Variants in CYRIA observed in about 807,000 individuals in gnomAD.
The protein encoded by CYRIA is CYFIP-related Rac1 interactor A.
CYRIA carries 15 observed loss-of-function variants against 43.9 expected under a neutral mutation model. The ratio of observed to expected loss-of-function variants is 0.34; its 90% confidence interval spans 0.23 to 0.53. CYRIA has a LOEUF of 0.53. Ranked by LOEUF, CYRIA falls within the 20% of genes least tolerant of loss-of-function variation. The pLI, the probability that CYRIA is intolerant of heterozygous loss-of-function variation, is 0.94. For synonymous variants in CYRIA, 117 were observed against 136.0 expected (o/e 0.86, Z 0.97); for missense variants, 236 against 394.2 (o/e 0.60, Z 3.40).
chr2:16,634,966 G>A (rs1025942223), intron 1 of CYRIA, among the ~76,000 whole-genome samples: 2 of 152,196 alleles, frequency 1.3e-5, no homozygotes, highest in African/African-American at 4.8e-5. Flanking sequence ...TCCATAAGAT[G>A]GACACTGGGT....
At chr2:16,616,949 C>G (rs1668817028) in intron 2 of CYRIA, among the ~76,000 whole-genome samples, 1 of 152,234 alleles carries the variant, frequency 6.6e-6, no homozygotes, top group Admixed American at 6.5e-5. Context: ...TGCAGCACTA[C>G]AAAGGATTAT....
At chr2:16,660,881 T>TCTCA (rs1670234832) in intron 1 of CYRIA, among the ~76,000 whole-genome samples, 1 of 152,200 alleles carries the variant, frequency 6.6e-6, no homozygotes, top group African/African-American at 2.4e-5. Flanking sequence ...TGGCACCCAT[T>TCTCA]CTCAGCACCT....
At chr2:16,591,112 C>A (rs1303856745) in intron 2 of CYRIA, among the ~76,000 whole-genome samples, 1 of 152,008 alleles carries the variant, frequency 6.6e-6, no homozygotes, top group African/African-American at 2.4e-5. Context: ...TACCATAGTA[C>A]TCATGAAATA....
intron 1 of CYRIA, among the ~76,000 whole-genome samples, chr2:16,656,759 A>T (rs1670124294): frequency 6.6e-6 from 1 of 152,272 alleles, no homozygotes; most frequent in Admixed American, 6.5e-5. Flanking sequence ...AGAGAAATGC[A>T]GAGCAATTGC....
At chr2:16,588,278 T>A in intron 2 of CYRIA, 149 bp from the exon 3 acceptor site, 1 of 550,388 alleles carries the variant, frequency 1.8e-6, no homozygotes, top group Non-Finnish European at 3.3e-6. Flanking sequence ...AGCAACTCAT[T>A]TCTAAATTGG....
At chr2:16,664,986 C>G (rs1175415046) in intron 1 of CYRIA, among the ~76,000 whole-genome samples, 1 of 152,120 alleles carries the variant, frequency 6.6e-6, no homozygotes, top group Non-Finnish European at 1.5e-5. Context: ...GCTTTGGAGG[C>G]CTTAAATGAC....
chr2:16,616,238 G>A (rs1336787510), intron 2 of CYRIA, among the ~76,000 whole-genome samples: 1 of 152,180 alleles, frequency 6.6e-6, no homozygotes, highest in Non-Finnish European at 1.5e-5. Context: ...GCAAAGTGGA[G>A]GGATCTGCTC....
chr2:16,587,003 A>G (rs1667750784), intron 3 of CYRIA, among the ~76,000 whole-genome samples: 2 of 152,168 alleles, frequency 1.3e-5, no homozygotes, highest in African/African-American at 4.8e-5. Context: ...CAATATATTC[A>G]ATCAAAAAAT....
At chr2:16,623,810 T>C (rs1669075135) in intron 2 of CYRIA, 54 bp downstream of exon 2, 1 of 152,256 alleles carries the variant, frequency 6.6e-6, no homozygotes, top group African/African-American at 2.4e-5. Context: ...TCCTGCAGTA[T>C]AATGATGGTT....
Position 16,561,242 on chromosome 2 carries a change from G to A in CYRIA, c.549C>T (p.Ala183=). Residue 183 remains alanine (A), a synonymous_variant, in exon 8 of 12, where the codon GCC becomes GCT. Transcript: ENST00000381323. ...DIENEVNNEM[A]NRMSLFYAEA... ...CTGCATAGAAGAGGGACATTCGATTGGCCATCTCATTATTGACTTCATTCT... is the reference window on the plus strand; with the variant it reads ...CTGCATAGAAGAGGGACATTCGATTAGCCATCTCATTATTGACTTCATTCT... 1 of 1,613,498 alleles carries A rather than the reference G, an allele frequency of 6.2e-7. No individual in the cohort carries two copies. Among genetic ancestry groups the A allele is most frequent in the Non-Finnish European group, 8.5e-7 (1 of 1,179,544 alleles).
chr2:16,552,229 A>T lies in CYRIA; in HGVS notation c.*707T>A, dbSNP rs1019166060. 4.6e-5 allele frequency: 7 copies of T among 152,130 alleles called. No individual in the cohort carries two copies. Among genetic ancestry groups the T allele is most frequent in the African/African-American group, 7.2e-5 (3 of 41,416 alleles). 9.4% of individuals were successfully genotyped at this position (152,130 alleles called of 1,614,324 possible). A position where few individuals can be genotyped will look rare whatever the true frequency, so the allele number is the denominator to read the frequency against. ...AGGACCTGTCTCCCAGTTCCAAGAC[A>T]GCCACCTTCATCAGTCCAGTGGCAA... On this transcript the variant is annotated 3_prime_UTR_variant, in exon 12 of 12. Transcript: ENST00000381323.
chr2:16,609,249 C>G (rs1668510856), intron 2 of CYRIA, among the ~76,000 whole-genome samples: 2 of 152,204 alleles, frequency 1.3e-5, no homozygotes, highest in South Asian at 4.1e-4. Flanking sequence ...AACTGCGGGC[C>G]AGGGATACCG....
At chr2:16,561,122 A>G (rs1252801355) in intron 8 of CYRIA, 39 bp downstream of exon 8, 1 of 1,610,790 alleles carries the variant, frequency 6.2e-7, no homozygotes, top group South Asian at 1.1e-5. Context: ...CTTGTGTGGA[A>G]TTAAGGAAAA....
chr2:16,636,472 C>T (rs1183447319), intron 1 of CYRIA, among the ~76,000 whole-genome samples: 1 of 152,120 alleles, frequency 6.6e-6, no homozygotes, highest in African/African-American at 2.4e-5. Context: ...AACTCTCTGC[C>T]CAGCCCCTTG....
chr2:16,573,186 G>A (rs1451214841), intron 3 of CYRIA, among the ~76,000 whole-genome samples: 1 of 152,194 alleles, frequency 6.6e-6, no homozygotes, highest in Non-Finnish European at 1.5e-5. Flanking sequence ...CCCTAGGCTG[G>A]ACACTGGATA....
At chr2:16,644,429 G>A (rs2103539191) in intron 1 of CYRIA, among the ~76,000 whole-genome samples, 1 of 152,260 alleles carries the variant, frequency 6.6e-6, no homozygotes, top group African/African-American at 2.4e-5. Flanking sequence ...GACTGCCCTT[G>A]TTGTGTTCCA....
chr2:16,554,568 A>G (rs1009772470), intron 11 of CYRIA, among the ~76,000 whole-genome samples: 317 of 152,278 alleles, frequency 2.1e-3, no homozygotes, highest in African/African-American at 7.4e-3. Flanking sequence ...ACAAAGAAAC[A>G]CAAAATGGAT....
chr2:16,579,953 T>TTC (rs1269288506), intron 3 of CYRIA, among the ~76,000 whole-genome samples: 10 of 109,082 alleles, frequency 9.2e-5, no homozygotes, highest in African/African-American at 3.7e-4. Flanking sequence ...TAAAAGGAAG[T>TTC]TTTTTTTTTT....
chr2:16,663,115 T>C (rs1349306966), intron 1 of CYRIA, among the ~76,000 whole-genome samples: 4 of 152,228 alleles, frequency 2.6e-5, no homozygotes, highest in Non-Finnish European at 5.9e-5. Context: ...CTCTGGACAG[T>C]GGTCCAGGGC....
Sources: gnomAD v4.1 joint callset for allele counts (sites outside exome capture counted in the v4.1 genomes callset) on GRCh38, gnomAD v4.1.1 for gene constraint, MANE v1.5 for transcripts, NCBI Gene and HGNC (gene_info 2026-07-23, HGNC 2026-07-21) for gene names.